The following ANXA4 variants were observed in gnomAD, a reference collection of about 807,000 sequenced individuals.
ANXA4 encodes the protein annexin A4, also known as 35-beta calcimedin.
ANXA4 carries 39 observed loss-of-function variants against 49.8 expected under a neutral mutation model. The observed-to-expected ratio is 0.78, with a 90% CI of 0.61 to 1.02. The LOEUF is 1.02. Ranked by LOEUF, ANXA4 falls within the 50% of genes least tolerant of loss-of-function variation. ANXA4 has a pLI of 0.00. For synonymous variants in ANXA4, 134 were observed against 152.5 expected, an observed-to-expected ratio of 0.88 and a Z score of 0.89; for missense variants, 360 against 410.1, an observed-to-expected ratio of 0.88 and a Z score of 1.05.
intron 1 of ANXA4, among the ~76,000 whole-genome samples, chr2:69,755,194 G>A (rs1365504445): frequency 6.6e-6 from 1 of 152,242 alleles, no homozygotes; most frequent in Admixed American, 6.5e-5. Context: ...AGGTGAGGGG[G>A]AAATGGGGAG....
intron 1 of ANXA4, among the ~76,000 whole-genome samples, chr2:69,774,819 C>G (rs1573233206): frequency 6.6e-6 from 1 of 152,178 alleles, no homozygotes; most frequent in Non-Finnish European, 1.5e-5. Flanking sequence ...TCCCCCTTCT[C>G]AGGGTAAACA....
In ANXA4 at chr2:69,718,759, ACACATACACACACATT is replaced by A. The variant is rs925438485; in HGVS notation, n.767-2010_767-1995del. ...AATGCACACACATACATGCATACAC[ACACATACACACACATT>A]CACACACATGCATACACATACGTGC... On this transcript the variant is annotated intron_variant and non_coding_transcript_variant, in intron 2 of 3. Coordinates refer to the ANXA4 transcript ENST00000418066. 1.7e-3 allele frequency among the ~76,000 whole-genome samples: 249 copies of A among 143,812 alleles called. 1 individual carries two copies. Among genetic ancestry groups the A allele is most frequent in the African/African-American group, 6.8e-3 (240 of 35,108 alleles). 94.3% of individuals were successfully genotyped at this position (143,812 alleles called of 152,430 possible).
In ANXA4 at chr2:69,786,831, C is replaced by T. The variant is rs866523559; in HGVS notation, c.10-1223C>T. ...CCACCTCCTGGGCTCAAGAGATCCT[C>T]CCACCTCAGCTTCCTGAGTAGCTGG... On this transcript the variant is annotated intron_variant, in intron 2 of 12. Coordinates refer to ENST00000394295, the MANE Select transcript of ANXA4 (RefSeq NM_001153.5). Among the ~76,000 whole-genome samples, 4 of 152,258 alleles carry T rather than the reference C, an allele frequency of 2.6e-5. 1 individual carries two copies. In the Middle Eastern group the frequency reaches 0.014, roughly 518 times the overall value.
At chr2:69,706,005 T>A (rs1412033892) in intron 2 of ANXA4, among the ~76,000 whole-genome samples, 1 of 151,954 alleles carries the variant, frequency 6.6e-6, no homozygotes. Context: ...TTAATTAAAA[T>A]TTTTTATTAA....
chr2:69,810,474 C>T, intron 6 of ANXA4, 120 bp from the exon 7 acceptor site: 1 of 776,484 alleles, frequency 1.3e-6, no homozygotes. Flanking sequence ...GGTGAAAAAA[C>T]CTCATGATAA....
intron 3 of ANXA4, among the ~76,000 whole-genome samples, chr2:69,721,597 A>G (rs35200231): frequency 0.22 from 32,644 of 151,828 alleles, 4,158 homozygotes; most frequent in South Asian, 0.32. Context: ...TATACTTGGG[A>G]GGCTAAGGTG....
In ANXA4 at chr2:69,656,354, T is replaced by TG. The variant is rs1491267515; in HGVS notation, n.766+3073dup. ...ATATGTGTATATATATGTGTATATA[T>TG]GTGTATATATATGTGTATATATGTG... On this transcript the variant is annotated intron_variant and non_coding_transcript_variant, in intron 2 of 3. Transcript: ENST00000418066. 1.5e-4 allele frequency among the ~76,000 whole-genome samples: 20 copies of TG among 133,454 alleles called. 3 individuals are homozygous for TG. The highest frequency in any genetic ancestry group is 1.5e-3 in the Admixed American group (17 of 11,420). The allele number at this position is 133,454 out of a possible 152,430, so 87.6% of individuals were successfully genotyped here. A position where few individuals can be genotyped will look rare whatever the true frequency, so the allele number is the denominator to read the frequency against.
chr2:69,651,505 T>G (rs1676229850), intron 1 of ANXA4, among the ~76,000 whole-genome samples: 1 of 152,114 alleles, frequency 6.6e-6, no homozygotes, highest in Admixed American at 6.5e-5. Flanking sequence ...GTCTTGTTGT[T>G]GTTGTTGTTG....
At chr2:69,776,712 T>C (rs1671975054) in intron 1 of ANXA4, among the ~76,000 whole-genome samples, 1 of 152,032 alleles carries the variant, frequency 6.6e-6, no homozygotes, top group Non-Finnish European at 1.5e-5. Context: ...GGACCACACA[T>C]AAAATACACT....
intron 2 of ANXA4, among the ~76,000 whole-genome samples, chr2:69,665,829 T>C (rs1372711161): frequency 6.6e-6 from 1 of 152,188 alleles, no homozygotes; most frequent in Non-Finnish European, 1.5e-5. Flanking sequence ...TGTGCAAGCA[T>C]ATGTCTGATA....
intron 1 of ANXA4, among the ~76,000 whole-genome samples, chr2:69,651,821 G>GC (rs1676253158): frequency 2.4e-5 from 1 of 41,516 alleles, no homozygotes; most frequent in Non-Finnish European, 4.7e-5. Flanking sequence ...TTTTTTTGGG[G>GC]GGGGGGGGCG....
intron 1 of ANXA4, among the ~76,000 whole-genome samples, chr2:69,768,776 T>C (rs1461293635): frequency 6.6e-6 from 1 of 152,172 alleles, no homozygotes; most frequent in Non-Finnish European, 1.5e-5. Flanking sequence ...ATAATTTGTC[T>C]GCAATTAAAA....
chr2:69,803,855 T>A (rs1573291137), intron 3 of ANXA4, among the ~76,000 whole-genome samples: 1 of 151,960 alleles, frequency 6.6e-6, no homozygotes, highest in East Asian at 1.9e-4. Context: ...CTAGAGGAGA[T>A]GGCTGGGCGT....
intron 12 of ANXA4, among the ~76,000 whole-genome samples, chr2:69,823,506 G>A (rs1674334661): frequency 6.6e-6 from 1 of 151,880 alleles, no homozygotes; most frequent in African/African-American, 2.4e-5. Context: ...CATGTAAAAA[G>A]CTTAAAGAAA....
intron 1 of ANXA4, among the ~76,000 whole-genome samples, chr2:69,760,621 T>C (rs1671244316): frequency 6.6e-6 from 1 of 152,222 alleles, no homozygotes; most frequent in Non-Finnish European, 1.5e-5. Context: ...TTTGTTTTTT[T>C]CCCTTGTTTT....
chr2:69,774,321 AAAGGAGCCCCCCCCCC>A, intron 1 of ANXA4, among the ~76,000 whole-genome samples: 1 of 146,700 alleles, frequency 6.8e-6, no homozygotes, highest in Non-Finnish European at 1.5e-5. Context: ...TGTTTATGTA[AAAGGAGCCCCCCCCCC>A]CCCTTTTTTT....
rs150951335 is a variant in ANXA4 at position 69,728,343 on chromosome 2, C to T, written n.864+7472C>T. On this transcript the variant is annotated intron_variant and non_coding_transcript_variant, in intron 3 of 3. Coordinates refer to the ANXA4 transcript ENST00000418066. ...TCCTACTCTAAGTCTTGCTTACTCA[C>T]TCTCTTAGTGTCTTGATGAGCAGAA... is the stretch of plus-strand genomic sequence containing the variant. Among the ~76,000 whole-genome samples the T allele has an allele frequency of 1.7e-3, 263 of 152,286 alleles. 1 individual carries two copies. Among genetic ancestry groups the T allele is most frequent in the African/African-American group, 6.1e-3 (254 of 41,554 alleles).
rs113921396 is a variant in ANXA4 at position 69,768,100 on chromosome 2, A to G, written c.-46-13420A>G. Among the ~76,000 whole-genome samples, 75 of 152,316 alleles carry G rather than the reference A, an allele frequency of 4.9e-4. 1 individual carries two copies. Among genetic ancestry groups the G allele is most frequent in the Admixed American group, 4.0e-3 (61 of 15,298 alleles). ...AAGGTCTCTAAAGACAGGCAGACCTATGAAAACATAGCTCTTATCACCTAT... is the reference window on the plus strand; with the variant it reads ...AAGGTCTCTAAAGACAGGCAGACCTGTGAAAACATAGCTCTTATCACCTAT... On this transcript the variant is annotated intron_variant, in intron 1 of 12. Coordinates refer to ENST00000394295, the MANE Select transcript of ANXA4 (RefSeq NM_001153.5).
chr2:69,802,755 G>C (rs1275692890), intron 3 of ANXA4, among the ~76,000 whole-genome samples: 1 of 151,790 alleles, frequency 6.6e-6, no homozygotes, highest in Non-Finnish European at 1.5e-5. Flanking sequence ...TTTCAGCTTG[G>C]CTTGACTGGG....
Sources: gnomAD v4.1 joint callset for allele counts (sites outside exome capture counted in the v4.1 genomes callset) on GRCh38, gnomAD v4.1.1 for gene constraint, MANE v1.5 for transcripts, NCBI Gene and HGNC (gene_info 2026-07-23, HGNC 2026-07-21) for gene names.